The following MUCL3 variants were observed in gnomAD, a reference collection of about 807,000 sequenced individuals.
MUCL3 encodes the protein mucin like 3, also known as mucin-like protein 3.
A neutral mutation model predicts 70.2 loss-of-function variants in MUCL3; 42 were observed. The observed-to-expected ratio is 0.60, with a 90% confidence interval of 0.47 to 0.77. MUCL3 has a LOEUF of 0.77. MUCL3 is among the 30% of genes least tolerant of loss of function. The pLI is 0.00. For missense variants in MUCL3, 1,429 were observed against 1,670.0 expected (o/e 0.86, Z 2.52); for synonymous variants, 522 against 647.0 (o/e 0.81, Z 2.93).
rs374166572 is a variant in MUCL3 at position 30,941,029 on chromosome 6, C to T, written c.30C>T (p.Ser10=). 195 of 1,550,416 alleles carry T rather than the reference C, an allele frequency of 1.3e-4. No individual in the cohort carries two copies. Among genetic ancestry groups the T allele is most frequent in the Non-Finnish European group, 1.6e-4 (187 of 1,146,982 alleles). The part of the protein sequence containing the change: MAQPVHSLC[S]AFGLQCCLLF... ...CCCAGCCGGTCCACAGCCTCTGCTC[C>T]GCCTTTGGCCTCCAGTGCTGCCTCC... The change falls in exon 1 of 3, where the codon TCC becomes TCT. Residue 10 remains serine (S), a synonymous_variant. Coordinates refer to ENST00000462446, the MANE Select transcript of MUCL3 (RefSeq NM_080870.4).
At position 30,950,019 on chromosome 6, in the gene MUCL3, C is replaced by T. The variant is rs1582260378; in HGVS notation, c.1555C>T (p.Pro519Ser). Residue 519 changes from proline to serine, a missense_variant, in exon 2 of 3, where the codon CCT becomes TCT. Transcript: ENST00000462446. Reference sequence around the variant, plus strand: ...GAAAACCACATCATCCTCAGCAGAGCCTACAGAACACGGAGAAAGGACCCC... The same window carrying T: ...GAAAACCACATCATCCTCAGCAGAGTCTACAGAACACGGAGAAAGGACCCC... ...NEKTTSSSAE[P>S]TEHGERTPLA... 6.5e-7 allele frequency: 1 copy of T among 1,540,304 alleles called. No individual in the cohort carries two copies.
In MUCL3 at chr6:30,952,369, A is replaced by C. The variant is rs570008856; in HGVS notation, c.3905A>C (p.Lys1302Thr). ...AACGAGAGCCATCCATACCTCAATA[A>C]AGATGGCTCACAGAAAGGTATCCAC... is the stretch of plus-strand genomic sequence containing the variant. Reference protein sequence around the residue: ...TGNESHPYLNKDGSQKGIHAG... With the variant: ...TGNESHPYLNTDGSQKGIHAG... The change falls in exon 2 of 3, where the codon AAA becomes ACA. Residue 1302 changes from lysine to threonine, a missense_variant. Transcript: ENST00000462446. 36 of 1,614,228 alleles carry C rather than the reference A, an allele frequency of 2.2e-5. No homozygotes were observed. Among genetic ancestry groups the C allele is most frequent in the Non-Finnish European group, 3.0e-5 (35 of 1,180,044 alleles).
Position 30,949,810 on chromosome 6 carries a change from C to T in MUCL3, c.1346C>T (p.Ala449Val), listed in dbSNP as rs553088446. The change falls in exon 2 of 3, where the codon GCC becomes GTC. Residue 449 changes from alanine to valine, a missense_variant. Transcript: ENST00000462446. ...AEPTENRERT[A>V]NENTTPSPAG... The stretch of plus-strand genomic sequence containing the variant: ...CCTACAGAAAATAGAGAAAGGACAG[C>T]CAATGAGAACACCACACCATCCCCA... The T allele has an allele frequency of 6.4e-7, 1 of 1,550,632 alleles. No homozygotes were observed. Among genetic ancestry groups the T allele is most frequent in the African/African-American group, 1.4e-5 (1 of 72,780 alleles).
chr6:30,953,202 G>T lies in MUCL3; in HGVS notation c.*85G>T. On this transcript the variant is annotated 3_prime_UTR_variant, in exon 3 of 3. Coordinates refer to ENST00000462446, the MANE Select transcript of MUCL3 (RefSeq NM_080870.4). Reference sequence around the variant, plus strand: ...ACCGGACTCACAATTTCTATTTCCGGGACTACAGGAAGGGCAGAGAATACT... The same window carrying T: ...ACCGGACTCACAATTTCTATTTCCGTGACTACAGGAAGGGCAGAGAATACT... 2.6e-6 allele frequency: 4 copies of T among 1,543,878 alleles called. No homozygotes were observed. Among genetic ancestry groups the T allele is most frequent in the Non-Finnish European group, 3.5e-6 (4 of 1,149,436 alleles).
intron 1 of MUCL3, among the ~76,000 whole-genome samples, chr6:30,944,557 A>T (rs1397494069): frequency 6.6e-6 from 1 of 152,182 alleles, no homozygotes; most frequent in Non-Finnish European, 1.5e-5. Context: ...TTGCAGGTAT[A>T]AGGCACTGTG....
In MUCL3 at chr6:30,951,136, A is replaced by G. The variant is rs763911940; in HGVS notation, c.2672A>G (p.Glu891Gly). Residue 891 changes from glutamate (E) to glycine (G), a missense_variant, in exon 2 of 3, where the codon GAG (glutamate) becomes GGG (glycine). By Grantham distance (98) the Glu-to-Gly change is moderately conservative (BLOSUM62 -2). Transcript: ENST00000462446. ...GAAGAAATGACCCCATTGGCCAATGAGAAGACCACACTATCCCCAGCAGAG... is the reference window on the plus strand; with the variant it reads ...GAAGAAATGACCCCATTGGCCAATGGGAAGACCACACTATCCCCAGCAGAG... ...EHEEMTPLANEKTTLSPAEPT... is the reference protein window; with the variant it reads ...EHEEMTPLANGKTTLSPAEPT... The G allele has an allele frequency of 3.9e-6, 6 of 1,551,838 alleles. No homozygotes were observed. In the South Asian group the frequency reaches 7.1e-5, roughly 18 times the overall value.
rs1386298277 is a variant in MUCL3 at position 30,948,899 on chromosome 6, C to T, written c.435C>T (p.Ser145=). 2 of 1,550,900 alleles carry T rather than the reference C, an allele frequency of 1.3e-6. No homozygotes were observed. Among genetic ancestry groups the T allele is most frequent in the South Asian group, 1.2e-5 (1 of 83,902 alleles). Residue 145 remains serine, a synonymous_variant, in exon 2 of 3, where the codon TCC becomes TCT. Coordinates refer to ENST00000462446, the MANE Select transcript of MUCL3 (RefSeq NM_080870.4). ...RNQRSVDPAD[S]TTTHKESAGK... ...AGCGCTCTGTTGATCCTGCTGACTC[C>T]ACTACCACACATAAAGAATCCGCTG...
At chr6:30,942,800 C>T (rs1468103222) in intron 1 of MUCL3, among the ~76,000 whole-genome samples, 1 of 152,124 alleles carries the variant, frequency 6.6e-6, no homozygotes, top group Non-Finnish European at 1.5e-5. Flanking sequence ...CCACTCCATA[C>T]ACAGTCGCTC....
At position 30,951,324 on chromosome 6, in the gene MUCL3, G is replaced by C. The variant is rs1421009846; in HGVS notation, c.2860G>C (p.Ala954Pro). The C allele has an allele frequency of 1.5e-5, 23 of 1,518,984 alleles. No individual in the cohort carries two copies. In the East Asian group the frequency reaches 3.0e-4, roughly 20 times the overall value. The allele number at this position is 1,518,984 out of a possible 1,614,324, so 94.1% of individuals were successfully genotyped here. ...TGGAGAAAGGATAGCCAATGAGAAG[G>C]CCACACCATCCCCAGCAAAGCCTAC... ...EHGERIANEK[A>P]TPSPAKPTEH... Residue 954 changes from alanine to proline, a missense_variant, in exon 2 of 3, where the codon GCC becomes CCC. Coordinates refer to ENST00000462446, the MANE Select transcript of MUCL3 (RefSeq NM_080870.4).
chr6:30,949,204 A>G lies in MUCL3; in HGVS notation c.740A>G (p.Glu247Gly). ...YKTTGTPEES[E>G]KTEDSRTTVA... ...ACCACAGGAACCCCAGAAGAGTCAG[A>G]AAAAACTGAAGATTCCAGAACAACA... Residue 247 changes from glutamate (E) to glycine (G), a missense_variant, in exon 2 of 3, where the codon GAA becomes GGA. By Grantham distance (98) the Glu-to-Gly change is moderately conservative. Coordinates refer to ENST00000462446, the MANE Select transcript of MUCL3 (RefSeq NM_080870.4). 2 of 1,550,972 alleles carry G rather than the reference A, an allele frequency of 1.3e-6. No homozygotes were observed. Among genetic ancestry groups the G allele is most frequent in the Non-Finnish European group, 1.7e-6 (2 of 1,146,844 alleles).
rs954458437 is a variant in MUCL3, at chr6:30,950,136, G to A, written c.1672G>A (p.Glu558Lys). ...ANEKTTPSPA[E>K]PTENGDRTPL... ...TGAGAAGACCACACCATCCCCAGCA[G>A]AGCCTACAGAAAATGGAGACAGGAC... is the stretch of plus-strand genomic sequence containing the variant. The change falls in exon 2 of 3, where the codon GAG (glutamate) becomes AAG (lysine). Residue 558 changes from glutamate (E) to lysine (K), a missense_variant. Transcript: ENST00000462446. The A allele has an allele frequency of 2.1e-5, 33 of 1,549,974 alleles. No individual in the cohort carries two copies. In the Admixed American group the frequency reaches 3.7e-4, roughly 18 times the overall value.
intron 1 of MUCL3, among the ~76,000 whole-genome samples, chr6:30,942,990 G>T (rs763830069): frequency 2.0e-5 from 3 of 152,148 alleles, no homozygotes; most frequent in Non-Finnish European, 2.9e-5. Context: ...GGTTACAGGT[G>T]GGGAGGGCTT....
chr6:30,942,395 AGATTCAGAG>A (rs1229821071), intron 1 of MUCL3, among the ~76,000 whole-genome samples: 1 of 152,178 alleles, frequency 6.6e-6, no homozygotes, highest in Non-Finnish European at 1.5e-5. Flanking sequence ...GTAGAACAGC[AGATTCAGAG>A]ACACTATCTA....
rs1234703469 is a variant in MUCL3, at chr6:30,952,481, C to T, written c.4017C>T (p.Phe1339=). The T allele has an allele frequency of 2.1e-5, 34 of 1,603,226 alleles. No homozygotes were observed. Among genetic ancestry groups the T allele is most frequent in the Non-Finnish European group, 2.5e-5 (29 of 1,175,274 alleles). The change falls in exon 2 of 3, where the codon TTC becomes TTT. Residue 1339 remains phenylalanine, a synonymous_variant. Transcript: ENST00000462446. ...VLVAVILLLV[F]LGLIFLVSYM... The stretch of plus-strand genomic sequence containing the variant: ...TGGCTGTGATTCTCCTCCTGGTGTT[C>T]CTTGGCCTGATCTTCTTGGTAAGGG...
chr6:30,947,685 C>T (rs1422176024), intron 1 of MUCL3, among the ~76,000 whole-genome samples: 1 of 150,482 alleles, frequency 6.6e-6, no homozygotes, highest in African/African-American at 2.5e-5. Context: ...CTCGTTTACT[C>T]CTGTCAGGAC....
At chr6:30,942,988 G>A (rs1278585115) in intron 1 of MUCL3, among the ~76,000 whole-genome samples, 1 of 152,178 alleles carries the variant, frequency 6.6e-6, no homozygotes, top group African/African-American at 2.4e-5. Context: ...TGGGTTACAG[G>A]TGGGGAGGGC....
chr6:30,941,009 C>A lies in MUCL3; in HGVS notation c.10C>A (p.Pro4Thr), dbSNP rs994037850. 5 of 1,549,768 alleles carry A rather than the reference C, an allele frequency of 3.2e-6. No individual in the cohort carries two copies. The highest frequency in any genetic ancestry group is 1.7e-4 in the Middle Eastern group (1 of 5,872). The change falls in exon 1 of 3, where the codon CCG (proline) becomes ACG (threonine). Residue 4 changes from proline to threonine, a missense_variant. Coordinates refer to ENST00000462446, the MANE Select transcript of MUCL3 (RefSeq NM_080870.4). MAQ[P>T]VHSLCSAFGL... ...GCCACCCAGCTCCGACATGGCCCAG[C>A]CGGTCCACAGCCTCTGCTCCGCCTT...
rs763907331 is a variant in MUCL3 at position 30,949,887 on chromosome 6, T to A, written c.1423T>A (p.Ser475Thr). ...ETTANEKTTL[S>T]PVEPTENRET... ...GACAGCCAACGAGAAGACCACACTA[T>A]CCCCAGTAGAGCCTACAGAAAATAG... is the stretch of plus-strand genomic sequence containing the variant. The change falls in exon 2 of 3, where the codon TCC becomes ACC. Residue 475 changes from serine to threonine, a missense_variant. Transcript: ENST00000462446. 7 of 1,540,300 alleles carry A rather than the reference T, an allele frequency of 4.5e-6. No homozygotes were observed. The highest frequency in any genetic ancestry group is 1.2e-5 in the South Asian group (1 of 83,652).
At position 30,953,133 on chromosome 6, in the gene MUCL3, C is replaced by T. The variant is rs368001626; in HGVS notation, c.*16C>T. ...CCCACGGTGATCTTGGAGTAGGCGC[C>T]CAGCCCTGGCTCTTCCATGCTCTGC... On this transcript the variant is annotated 3_prime_UTR_variant, in exon 3 of 3. Coordinates refer to ENST00000462446, the MANE Select transcript of MUCL3 (RefSeq NM_080870.4). The T allele has an allele frequency of 1.3e-5, 21 of 1,612,950 alleles. No homozygotes were observed. In the African/African-American group the frequency reaches 2.7e-4, roughly 21 times the overall value.
Sources: gnomAD v4.1 joint callset for allele counts (sites outside exome capture counted in the v4.1 genomes callset) on GRCh38, gnomAD v4.1.1 for gene constraint, MANE v1.5 for transcripts, NCBI Gene and HGNC (gene_info 2026-07-23, HGNC 2026-07-21) for gene names.